Variants in PTPRD observed in about 807,000 individuals in gnomAD.
The protein encoded by PTPRD is protein tyrosine phosphatase receptor type D, also known as receptor-type tyrosine-protein phosphatase delta.
PTPRD carries 34 observed loss-of-function variants against 214.5 expected under a neutral mutation model. The ratio of observed to expected loss-of-function variants is 0.16; its 90% CI spans 0.12 to 0.21. PTPRD has a LOEUF of 0.21. PTPRD is among the 10% of genes least tolerant of loss of function. PTPRD has a pLI of 1.00. For missense variants in PTPRD, 2,545 were observed against 2,398.7 expected (o/e 1.06, Z -1.27); for synonymous variants, 1,128 against 845.7 (o/e 1.33, Z -5.79).
chr9:9,273,026 C>T (rs1943562974), intron 9 of PTPRD, among the ~76,000 whole-genome samples: 1 of 151,266 alleles, frequency 6.6e-6, no homozygotes, highest in South Asian at 2.1e-4. Flanking sequence ...AGAAACACCA[C>T]ATGAAAATCA....
chr9:8,945,949 C>T (rs971747283), intron 11 of PTPRD, among the ~76,000 whole-genome samples: 3 of 152,166 alleles, frequency 2.0e-5, no homozygotes, highest in Admixed American at 2.0e-4. Context: ...AATATATTCT[C>T]CTCACCTAGA....
intron 10 of PTPRD, among the ~76,000 whole-genome samples, chr9:9,123,322 C>G (rs1467487529): frequency 2.0e-5 from 3 of 152,146 alleles, no homozygotes; most frequent in Non-Finnish European, 1.5e-5. Context: ...GCACCATTTC[C>G]CCTTCAGCAA....
intron 7 of PTPRD, among the ~76,000 whole-genome samples, chr9:9,719,648 C>T (rs1167268315): frequency 6.6e-6 from 1 of 152,184 alleles, no homozygotes; most frequent in Non-Finnish European, 1.5e-5. Flanking sequence ...GCAACATCCC[C>T]CTCACAGCTC....
At chr9:8,975,707 T>C (rs2099264245) in intron 11 of PTPRD, among the ~76,000 whole-genome samples, 1 of 151,792 alleles carries the variant, frequency 6.6e-6, no homozygotes, top group African/African-American at 2.4e-5. Context: ...TCTGATACTT[T>C]TTAGATATAT....
chr9:10,375,290 C>A (rs1260779069), intron 2 of PTPRD, among the ~76,000 whole-genome samples: 3 of 151,954 alleles, frequency 2.0e-5, no homozygotes, highest in East Asian at 1.9e-4. Context: ...GGGGATAATT[C>A]TATGCATGCA....
chr9:9,688,558 C>G (rs903524619), intron 7 of PTPRD, among the ~76,000 whole-genome samples: 2 of 151,724 alleles, frequency 1.3e-5, no homozygotes, highest in African/African-American at 4.8e-5. Flanking sequence ...AATAGTAGAA[C>G]CCTGCATACA....
At chr9:8,575,131 CT>C (rs1394100316) in intron 14 of PTPRD, among the ~76,000 whole-genome samples, 1 of 152,086 alleles carries the variant, frequency 6.6e-6, no homozygotes, top group East Asian at 1.9e-4. Context: ...AAGTACAAGA[CT>C]TCTGACCTTC....
rs141760011 is a variant in PTPRD, at chr9:9,273,030, A to T, written c.-202-89667T>A. Reference sequence around the variant, plus strand: ...CTATGGATAAAAGAAACACCACATGAAAATCAATGTGGAGCAGGAAATAAC... The same window carrying T: ...CTATGGATAAAAGAAACACCACATGTAAATCAATGTGGAGCAGGAAATAAC... On this transcript the variant is annotated intron_variant, in intron 9 of 45. Coordinates refer to ENST00000381196, the MANE Select transcript of PTPRD (RefSeq NM_002839.4). 3.0e-3 allele frequency among the ~76,000 whole-genome samples: 458 copies of T among 151,478 alleles called. 2 individuals carry two copies. Among genetic ancestry groups the T allele is most frequent in the African/African-American group, 0.01 (427 of 41,460 alleles).
intron 10 of PTPRD, among the ~76,000 whole-genome samples, chr9:9,062,556 T>TTATCTATC (rs33937021): frequency 6.7e-6 from 1 of 149,546 alleles, no homozygotes; most frequent in African/African-American, 2.5e-5. Context: ...TCTCCATATA[T>TTATCTATC]TATCTATCTA....
intron 14 of PTPRD, among the ~76,000 whole-genome samples, chr9:8,533,476 T>C (rs561396585): frequency 2.7e-4 from 41 of 152,162 alleles, no homozygotes; most frequent in African/African-American, 9.4e-4. Context: ...ATTTAAAAAT[T>C]TGGCAAGTAT....
intron 34 of PTPRD, among the ~76,000 whole-genome samples, chr9:8,446,572 T>C (rs1234489491): frequency 6.6e-6 from 1 of 152,200 alleles, no homozygotes; most frequent in Non-Finnish European, 1.5e-5. Flanking sequence ...ACAGGCATCT[T>C]ATTTCATTGA....
At chr9:9,131,221 G>A (rs571359353) in intron 10 of PTPRD, among the ~76,000 whole-genome samples, 2 of 152,216 alleles carry the variant, frequency 1.3e-5, no homozygotes, top group Admixed American at 6.5e-5. Context: ...CTTACACGTT[G>A]ATGCAAATTA....
intron 9 of PTPRD, among the ~76,000 whole-genome samples, chr9:9,286,154 A>G (rs1949287789): frequency 6.6e-6 from 1 of 151,840 alleles, no homozygotes; most frequent in African/African-American, 2.4e-5. Context: ...TTCACATTTC[A>G]TTGGTCATAA....
chr9:8,531,477 T>G (rs2075673800), intron 14 of PTPRD, among the ~76,000 whole-genome samples: 1 of 152,104 alleles, frequency 6.6e-6, no homozygotes. Flanking sequence ...CTTCAAAGGA[T>G]AAAAGTAATT....
chr9:8,507,456 A>G (rs1256410784), intron 21 of PTPRD, 22 bp from the exon 22 acceptor site: 1 of 1,613,468 alleles, frequency 6.2e-7, no homozygotes, highest in African/African-American at 1.3e-5. Flanking sequence ...GAGGCAATGG[A>G]TTGAACTCAC....
chr9:9,967,779 C>T (rs1044201096), intron 4 of PTPRD, among the ~76,000 whole-genome samples: 3 of 151,948 alleles, frequency 2.0e-5, no homozygotes, highest in East Asian at 1.9e-4. Context: ...ATTGAACATG[C>T]GTAAAAAGTT....
intron 7 of PTPRD, among the ~76,000 whole-genome samples, chr9:9,595,097 C>A (rs771942395): frequency 4.0e-5 from 6 of 151,342 alleles, no homozygotes; most frequent in Non-Finnish European, 7.4e-5. Context: ...TAGATGTTGG[C>A]GTAGATGCGG....
In PTPRD at chr9:9,217,674, C is replaced by CT. The variant is rs757761999; in HGVS notation, c.-202-34312dup. Among the ~76,000 whole-genome samples the CT allele has an allele frequency of 1.3e-3, 203 of 152,202 alleles. 1 individual carries two copies. The highest frequency in any genetic ancestry group is 4.8e-3 in the South Asian group (23 of 4,824). ...CCTGCCAGAATAAAGTCCAGACTTC[C>CT]TTTTTATATTGAAGGCTTTTCAAAA... On this transcript the variant is annotated intron_variant, in intron 9 of 45. Transcript: ENST00000381196.
intron 10 of PTPRD, among the ~76,000 whole-genome samples, chr9:9,040,272 C>A (rs1276968909): frequency 3.9e-5 from 6 of 152,130 alleles, no homozygotes; most frequent in Non-Finnish European, 8.8e-5. Flanking sequence ...GATTCAGATA[C>A]TTTTACACTA....
Sources: gnomAD v4.1 joint callset for allele counts (sites outside exome capture counted in the v4.1 genomes callset) on GRCh38, gnomAD v4.1.1 for gene constraint, MANE v1.5 for transcripts, NCBI Gene and HGNC (gene_info 2026-07-23, HGNC 2026-07-21) for gene names.